Variants in EPHA5 observed in about 807,000 individuals in gnomAD.
EPHA5 encodes the protein ephrin type-A receptor 5.
A neutral mutation model predicts 105.0 loss-of-function variants in EPHA5; 60 were observed. The observed-to-expected ratio is 0.57, with a 90% CI of 0.46 to 0.71. The LOEUF (loss-of-function observed/expected upper bound fraction) is 0.71, where lower values mean the gene tolerates loss of function less well. EPHA5 is among the 30% of genes least tolerant of loss of function. The probability of loss-of-function intolerance (pLI) is 0.00; values close to 1 mark genes in which losing one functional copy is unlikely to be tolerated. For synonymous variants in EPHA5, 513 were observed against 449.1 expected, an observed-to-expected ratio of 1.14 and a Z score of -1.80; for missense variants, 1,218 against 1,274.7, an observed-to-expected ratio of 0.96 and a Z score of 0.68.
chr4:65,347,903 A>T, intron 14 of EPHA5, 151 bp downstream of exon 14: 1 of 756,358 alleles, frequency 1.3e-6, no homozygotes, highest in Non-Finnish European at 2.0e-6. Context: ...TGCTTAAAGG[A>T]TATTTCAACA....
intron 3 of EPHA5, among the ~76,000 whole-genome samples, chr4:65,520,560 C>CA (rs1471742150): frequency 6.6e-6 from 1 of 151,942 alleles, no homozygotes; most frequent in Non-Finnish European, 1.5e-5. Flanking sequence ...TTCTGCACAG[C>CA]AAAAGAAACT....
chr4:65,645,438 C>T (rs1414473424), intron 1 of EPHA5, among the ~76,000 whole-genome samples: 1 of 152,052 alleles, frequency 6.6e-6, no homozygotes, highest in African/African-American at 2.4e-5. Context: ...TGGCAGCAAA[C>T]TGATGTGCAT....
rs28525016 is a variant in EPHA5, at chr4:65,575,216, A to T, written c.910+26425T>A. 2.3e-3 allele frequency among the ~76,000 whole-genome samples: 353 copies of T among 152,200 alleles called. 2 individuals are homozygous for T. Among genetic ancestry groups the T allele is most frequent in the African/African-American group, 7.9e-3 (327 of 41,526 alleles). ...CTGGCAATCATTCTGGTCCACTGAAAGTTGACAGACCACATTTTATAGCAT... is the reference window on the plus strand; with the variant it reads ...CTGGCAATCATTCTGGTCCACTGAATGTTGACAGACCACATTTTATAGCAT... On this transcript the variant is annotated intron_variant, in intron 3 of 16. Coordinates refer to ENST00000613740, the MANE Select transcript of EPHA5 (RefSeq NM_001281766.3).
chr4:65,606,877 T>C (rs1744278704), intron 2 of EPHA5, among the ~76,000 whole-genome samples: 1 of 152,148 alleles, frequency 6.6e-6, no homozygotes, highest in African/African-American at 2.4e-5. Context: ...AAGAATCAAT[T>C]GCCTGCAGCT....
rs1719600107 is a variant in EPHA5, at chr4:65,321,020, A to G, written c.*3094T>C. On this transcript the variant is annotated 3_prime_UTR_variant, in exon 17 of 17. Transcript: ENST00000613740. ...CATAGAAATAGTACATTATGAAAAG[A>G]GCAACTGGTTATATTAATAGTATAT... 5 of 230,530 alleles carry G rather than the reference A, an allele frequency of 2.2e-5. No homozygotes were observed. The East Asian group carries it at 3.1e-4, about 14-fold the overall frequency. 14.3% of individuals were successfully genotyped at this position (230,530 alleles called of 1,614,324 possible). A position where few individuals can be genotyped will look rare whatever the true frequency, so the allele number is the denominator to read the frequency against.
At chr4:65,554,981 C>CAAAAAAAAAAAA (rs71205383) in intron 3 of EPHA5, among the ~76,000 whole-genome samples, 36 of 92,550 alleles carry the variant, frequency 3.9e-4, no homozygotes, top group Non-Finnish European at 5.1e-4. Context: ...TATACAACAG[C>CAAAAAAAAAAAA]AAAAAAAAAA....
In EPHA5 at chr4:65,486,620, A is replaced by G. The variant is rs374578728; in HGVS notation, c.1402+3757T>C. ...TAAAATCTGCTGAAAAAAGTTTTAT[A>G]TAACAACCACATATGGTGAAGATAA... On this transcript the variant is annotated intron_variant, in intron 5 of 16. Coordinates refer to ENST00000613740, the MANE Select transcript of EPHA5 (RefSeq NM_001281766.3). Among the ~76,000 whole-genome samples, 80 of 152,392 alleles carry G rather than the reference A, an allele frequency of 5.2e-4. No individual in the cohort carries two copies. In the South Asian group the frequency reaches 5.8e-3, roughly 11 times the overall value.
At chr4:65,545,679 A>G (rs1373563750) in intron 3 of EPHA5, among the ~76,000 whole-genome samples, 1 of 151,982 alleles carries the variant, frequency 6.6e-6, no homozygotes, top group East Asian at 1.9e-4. Flanking sequence ...AGAGCAAAAT[A>G]TTTTGAACAT....
chr4:65,641,551 C>T (rs1307328796), intron 2 of EPHA5, among the ~76,000 whole-genome samples: 1 of 152,082 alleles, frequency 6.6e-6, no homozygotes, highest in African/African-American at 2.4e-5. Flanking sequence ...TATGTTTTTA[C>T]TATCATTGTA....
rs1201929098 is a variant in EPHA5, at chr4:65,322,879, C to T, written c.*1235G>A. 2.6e-5 allele frequency: 6 copies of T among 228,600 alleles called. No individual in the cohort carries two copies. The highest frequency in any genetic ancestry group is 1.3e-4 in the African/African-American group (6 of 44,858). 14.2% of individuals were successfully genotyped at this position (228,600 alleles called of 1,614,324 possible). On this transcript the variant is annotated 3_prime_UTR_variant, in exon 17 of 17. Coordinates refer to ENST00000613740, the MANE Select transcript of EPHA5 (RefSeq NM_001281766.3). ...ATATTTGTCATAATTCCATTGCTGC[C>T]TTAGAGTCAAAATTTCTAGAACTGA... is the stretch of plus-strand genomic sequence containing the variant.
At chr4:65,537,737 C>T (rs935748960) in intron 3 of EPHA5, among the ~76,000 whole-genome samples, 2 of 151,564 alleles carry the variant, frequency 1.3e-5, no homozygotes, top group Non-Finnish European at 3.0e-5. Context: ...TTGTTTATTC[C>T]TTAACAGTTT....
intron 11 of EPHA5, among the ~76,000 whole-genome samples, chr4:65,360,793 C>T (rs2148878120): frequency 6.6e-6 from 1 of 151,422 alleles, no homozygotes; most frequent in East Asian, 1.9e-4. Flanking sequence ...CTTTACATAG[C>T]CACAATTTAT....
chr4:65,505,180 C>A (rs1282979810), intron 3 of EPHA5, among the ~76,000 whole-genome samples: 2 of 151,992 alleles, frequency 1.3e-5, no homozygotes, highest in African/African-American at 4.8e-5. Context: ...AAAGAACACA[C>A]TAAAAGACTA....
chr4:65,362,417 A>T (rs1441127761), intron 11 of EPHA5, among the ~76,000 whole-genome samples: 1 of 151,770 alleles, frequency 6.6e-6, no homozygotes, highest in East Asian at 1.9e-4. Flanking sequence ...CAAGTTGGAG[A>T]CTTCCTAAGT....
chr4:65,636,217 T>C (rs1213390116), intron 2 of EPHA5, among the ~76,000 whole-genome samples: 1 of 152,158 alleles, frequency 6.6e-6, no homozygotes, highest in Non-Finnish European at 1.5e-5. Flanking sequence ...GAAATTTGAG[T>C]AGCTATGTTC....
intron 2 of EPHA5, among the ~76,000 whole-genome samples, chr4:65,637,767 A>G (rs916232470): frequency 2.6e-5 from 4 of 151,794 alleles, no homozygotes; most frequent in Non-Finnish European, 5.9e-5. Flanking sequence ...TAAGTAATTT[A>G]TGCCCCATTT....
At chr4:65,432,357 A>G (rs1405520412) in intron 5 of EPHA5, among the ~76,000 whole-genome samples, 2 of 152,186 alleles carry the variant, frequency 1.3e-5, no homozygotes, top group East Asian at 3.9e-4. Context: ...TGAAATAGGT[A>G]AGAGTAACCT....
intron 5 of EPHA5, among the ~76,000 whole-genome samples, chr4:65,437,256 C>T (rs1384060986): frequency 7.9e-5 from 12 of 151,958 alleles, no homozygotes; most frequent in Non-Finnish European, 1.5e-5. Context: ...AGCCATCCTA[C>T]TGAGTTTATA....
At chr4:65,405,731 T>C (rs1037711332) in intron 7 of EPHA5, among the ~76,000 whole-genome samples, 1 of 152,234 alleles carries the variant, frequency 6.6e-6, no homozygotes, top group South Asian at 2.1e-4. Context: ...TACCCTGTTT[T>C]CTCCTAGTCT....
Sources: gnomAD v4.1 joint callset for allele counts (sites outside exome capture counted in the v4.1 genomes callset) on GRCh38, gnomAD v4.1.1 for gene constraint, MANE v1.5 for transcripts, NCBI Gene and HGNC (gene_info 2026-07-23, HGNC 2026-07-21) for gene names.